The following TPR variants were observed in gnomAD, a reference collection of about 807,000 sequenced individuals.
TPR encodes the protein nucleoprotein TPR.
In TPR, 51 loss-of-function variants were observed where a neutral mutation model predicts 316.1. That is an observed-to-expected ratio of 0.16 (90% CI 0.13 to 0.20). TPR has a LOEUF of 0.20. Ranked by LOEUF, TPR falls within the 10% of genes least tolerant of loss-of-function variation. The pLI is 1.00. For synonymous variants in TPR, 981 were observed against 914.7 expected (o/e 1.07, Z -1.31); for missense variants, 2,272 against 2,754.8 (o/e 0.82, Z 3.92).
At chr1:186,358,908 G>C (rs1208198064) in intron 12 of TPR, among the ~76,000 whole-genome samples, 1 of 152,074 alleles carries the variant, frequency 6.6e-6, no homozygotes, top group Non-Finnish European at 1.5e-5. Context: ...TTGGATCCAA[G>C]GGCTCTCTTG....
Position 186,363,369 on chromosome 1 carries a change from T to C in TPR, c.504A>G (p.Glu168=). 1 of 1,612,754 alleles carries C rather than the reference T, an allele frequency of 6.2e-7. No homozygotes were observed. Among genetic ancestry groups the C allele is most frequent in the Non-Finnish European group, 8.5e-7 (1 of 1,179,122 alleles). Residue 168 remains glutamate (E), a synonymous_variant, in exon 5 of 51, where the codon GAA becomes GAG. Coordinates refer to ENST00000367478, the MANE Select transcript of TPR (RefSeq NM_003292.3). ...TAACAGAAACATCAGAAGCTTGAAG[T>C]TCATCCAATTTTAACTGAAGTTCAC... is the stretch of plus-strand genomic sequence containing the variant. The part of the protein sequence containing the change: ...TKGELQLKLD[E]LQASDVSVKY...
At position 186,347,353 on chromosome 1, in the gene TPR, T is replaced by G; in HGVS notation, c.2882A>C (p.Asn961Thr). The change falls in exon 22 of 51, where the codon AAT becomes ACT. Residue 961 changes from asparagine (N) to threonine (T), a missense_variant. Asn to Thr is a moderately conservative substitution (Grantham distance 65). Around this residue, in one of 10 missense-constraint regions of TPR, gnomAD observed 757 missense variants for 859.8 expected, o/e 0.88. Transcript: ENST00000367478. ...LKERLKTSTS[N>T]VEQYQAMVTS... ...AACCATTGCTTGATATTGTTCCACA[T>G]TGCTCGTACTTGTTTTGAGTCTCTC... 6.2e-6 allele frequency: 10 copies of G among 1,614,108 alleles called. No homozygotes were observed. Among genetic ancestry groups the G allele is most frequent in the Non-Finnish European group, 8.5e-6 (10 of 1,179,988 alleles).
intron 42 of TPR, among the ~76,000 whole-genome samples, chr1:186,324,463 C>T (rs1258253229): frequency 6.6e-6 from 1 of 152,112 alleles, no homozygotes; most frequent in Non-Finnish European, 1.5e-5. Context: ...TATTCTTCTA[C>T]ATACACTGTA....
Position 186,334,510 on chromosome 1 carries a change from G to T in TPR, c.4997C>A (p.Thr1666Lys), listed in dbSNP as rs1243993257. The T allele has an allele frequency of 6.2e-7, 1 of 1,613,448 alleles. No individual in the cohort carries two copies. Among genetic ancestry groups the T allele is most frequent in the Non-Finnish European group, 8.5e-7 (1 of 1,179,640 alleles). The change falls in exon 36 of 51, where the codon ACA becomes AAA. Residue 1666 changes from threonine to lysine, a missense_variant. Transcript: ENST00000367478. Reference protein sequence around the residue: ...RGIASTSDPPTANIKPTPVVS... With the variant: ...RGIASTSDPPKANIKPTPVVS... ...AACAGGAGTTGGCTTGATATTGGCTGTTGGTGGGTCTGATGTGCTGGCACT... is the reference window on the plus strand; with the variant it reads ...AACAGGAGTTGGCTTGATATTGGCTTTTGGTGGGTCTGATGTGCTGGCACT...
chr1:186,343,782 T>C, intron 26 of TPR, 124 bp downstream of exon 26: 2 of 987,022 alleles, frequency 2.0e-6, no homozygotes, highest in Non-Finnish European at 2.9e-6. Context: ...ATGAGTTCTT[T>C]GACAAATAAA....
Position 186,311,750 on chromosome 1 carries a change from T to C in TPR, c.*2221A>G, listed in dbSNP as rs1020968821. 2.6e-6 allele frequency: 2 copies of C among 778,924 alleles called. No individual in the cohort carries two copies. Among genetic ancestry groups the C allele is most frequent in the Non-Finnish European group, 4.0e-6 (2 of 495,350 alleles). The allele number at this position is 778,924 out of a possible 1,614,324, so 48.3% of individuals were successfully genotyped here. Reference sequence around the variant, plus strand: ...ATCAATATTGAGGGTAGTATTCTTATTGCCCTCAATTTTTATTTTCATTTC... The same window carrying C: ...ATCAATATTGAGGGTAGTATTCTTACTGCCCTCAATTTTTATTTTCATTTC... On this transcript the variant is annotated 3_prime_UTR_variant, in exon 51 of 51. Coordinates refer to ENST00000367478, the MANE Select transcript of TPR (RefSeq NM_003292.3).
Position 186,326,244 on chromosome 1 carries a change from A to C in TPR, c.5890-9T>G. 6.2e-7 allele frequency: 1 copy of C among 1,602,350 alleles called. No homozygotes were observed. ...TCATCCTCTTCATAATCCTAGTAGA[A>C]AGTTCCCCAGGCATAAATAAAAGTT... On this transcript the variant is annotated splice_polypyrimidine_tract_variant and intron_variant, in intron 40 of 50. Coordinates refer to ENST00000367478, the MANE Select transcript of TPR (RefSeq NM_003292.3).
In TPR at chr1:186,374,998, G is replaced by C; in HGVS notation, c.31C>G (p.Arg11Gly). MAAVLQQVLE[R>G]TELNKLPKSV... Reference sequence around the variant, plus strand: ...TTGGGCAGCTTGTTCAGCTCCGTGCGCTCCAGGACTTGCTGCAACACCGCC... The same window carrying C: ...TTGGGCAGCTTGTTCAGCTCCGTGCCCTCCAGGACTTGCTGCAACACCGCC... Residue 11 changes from arginine to glycine, a missense_variant, in exon 1 of 51, where the codon CGC becomes GGC. This residue lies in a region of TPR where 549 missense variants were observed against 598.6 expected (regional missense o/e 0.92). Coordinates refer to ENST00000367478, the MANE Select transcript of TPR (RefSeq NM_003292.3). 1 of 1,614,126 alleles carries C rather than the reference G, an allele frequency of 6.2e-7. No individual in the cohort carries two copies. Among genetic ancestry groups the C allele is most frequent in the Non-Finnish European group, 8.5e-7 (1 of 1,180,030 alleles).
chr1:186,364,256 A>C (rs994320097), intron 4 of TPR, among the ~76,000 whole-genome samples: 3 of 152,192 alleles, frequency 2.0e-5, no homozygotes, highest in Admixed American at 2.0e-4. Flanking sequence ...TTCTTCTAAG[A>C]AGCAGGGAAA....
intron 29 of TPR, among the ~76,000 whole-genome samples, chr1:186,340,226 A>G (rs1488702222): frequency 1.3e-5 from 2 of 152,216 alleles, no homozygotes; most frequent in Non-Finnish European, 2.9e-5. Flanking sequence ...AAAGGTGATA[A>G]GGGAAAACTA....
Position 186,356,442 on chromosome 1 carries a change from C to T in TPR, c.1732G>A (p.Glu578Lys). 2.5e-6 allele frequency: 4 copies of T among 1,606,168 alleles called. No individual in the cohort carries two copies. In the East Asian group the frequency reaches 9.0e-5, roughly 36 times the overall value. The change falls in exon 15 of 51, where the codon GAG (glutamate) becomes AAG (lysine). Residue 578 changes from glutamate (E) to lysine (K), a missense_variant. Around this residue, in one of 10 missense-constraint regions of TPR, gnomAD observed 757 missense variants for 859.8 expected, o/e 0.88. Transcript: ENST00000367478. ...EQETTSSKIT[E>K]LQLKLESALT... ...GCACTCTCAAGTTTGAGCTGAAGCT[C>T]AGTGATTCTGTAGAAAAAGTCGGCC...
rs546807194 is a variant in TPR at position 186,320,579 on chromosome 1, A to T, written c.6462-161T>A. 3.3e-5 allele frequency among the ~76,000 whole-genome samples: 5 copies of T among 152,338 alleles called. No homozygotes were observed. In the South Asian group the frequency reaches 6.2e-4, roughly 19 times the overall value. The stretch of plus-strand genomic sequence containing the variant: ...TTATTTTAAAGGGTTTCTTACTTAT[A>T]AAAATCCTTTTATACTATCAGCTGT... On this transcript the variant is annotated intron_variant, in intron 45 of 50. Coordinates refer to ENST00000367478, the MANE Select transcript of TPR (RefSeq NM_003292.3).
intron 3 of TPR, among the ~76,000 whole-genome samples, chr1:186,368,476 G>A (rs769111445): frequency 6.6e-6 from 1 of 152,148 alleles, no homozygotes; most frequent in Admixed American, 6.5e-5. Flanking sequence ...CAGACATGGT[G>A]GCACATGCCT....
At chr1:186,351,289 C>T in intron 20 of TPR, 41 bp downstream of exon 20, 1 of 1,557,998 alleles carries the variant, frequency 6.4e-7, no homozygotes, top group Non-Finnish European at 8.7e-7. Context: ...AATTACTGAA[C>T]ATAAACACCC....
At chr1:186,320,681 T>G (rs187548535) in intron 45 of TPR, among the ~76,000 whole-genome samples, 2 of 152,208 alleles carry the variant, frequency 1.3e-5, no homozygotes, top group Non-Finnish European at 2.9e-5. Context: ...TGCCTCACAT[T>G]TCTTGAATGT....
rs762506109 is a variant in TPR at position 186,371,008 on chromosome 1, C to G, written c.292G>C (p.Glu98Gln). 9.3e-6 allele frequency: 15 copies of G among 1,612,762 alleles called. No homozygotes were observed. Among genetic ancestry groups the G allele is most frequent in the South Asian group, 3.3e-5 (3 of 91,050 alleles). The change falls in exon 3 of 51, where the codon GAA (glutamate) becomes CAA (glutamine). Residue 98 changes from glutamate to glutamine, a missense_variant. Physicochemically the swap from Glu to Gln is conservative, Grantham distance 29. Around this residue, in one of 10 missense-constraint regions of TPR, gnomAD observed 549 missense variants for 598.6 expected, o/e 0.92. Transcript: ENST00000367478. ...QLKALTEKNK[E>Q]LEIAQDRNIA... is the part of the protein sequence containing the mutation. ...TTGCGATCCTGAGCAATTTCAAGTT[C>G]TTTGTTTTTCTCAGTTAGTGCCTTC...
chr1:186,353,200 A>G lies in TPR; in HGVS notation c.2334+488T>C, dbSNP rs186026132. ...ATCCTGGCTAACACAGTGAAACCCC[A>G]TCTCTACTAAAAATACAAAACATTA... On this transcript the variant is annotated intron_variant, in intron 18 of 50. Transcript: ENST00000367478. Among the ~76,000 whole-genome samples the G allele has an allele frequency of 6.7e-3, 1,024 of 152,102 alleles. 13 individuals are homozygous for G. The highest frequency in any genetic ancestry group is 0.021 in the African/African-American group (878 of 41,506).
In TPR at chr1:186,341,079, T is replaced by A. The variant is rs376859703; in HGVS notation, c.3969A>T (p.Ala1323=). Reference sequence around the variant, plus strand: ...CATCCTCTTCTAAGAGCTTCTTCTCTGCCTGCAACATACCGCTTTTCTCAC... The same window carrying A: ...CATCCTCTTCTAAGAGCTTCTTCTCAGCCTGCAACATACCGCTTTTCTCAC... The part of the protein sequence containing the change: ...ELSEKSGMLQ[A]EKKLLEEDVK... Residue 1323 remains alanine (A), a synonymous_variant, in exon 29 of 51, where the codon GCA becomes GCT. Coordinates refer to ENST00000367478, the MANE Select transcript of TPR (RefSeq NM_003292.3). 2 of 1,614,150 alleles carry A rather than the reference T, an allele frequency of 1.2e-6. No homozygotes were observed.
At chr1:186,330,927 G>A (rs1218237841) in intron 39 of TPR, among the ~76,000 whole-genome samples, 3 of 152,046 alleles carry the variant, frequency 2.0e-5, no homozygotes, top group African/African-American at 7.2e-5. Flanking sequence ...TTTGACAAGT[G>A]AGACAATGCA....
Sources: gnomAD v4.1 joint callset for allele counts (sites outside exome capture counted in the v4.1 genomes callset) on GRCh38, gnomAD v4.1.1 for gene constraint, gnomAD v4.1.1 regional missense constraint, MANE v1.5 for transcripts, NCBI Gene and HGNC (gene_info 2026-07-23, HGNC 2026-07-21) for gene names.